Variants in MYOM1 observed in about 807,000 individuals in gnomAD.
The protein encoded by MYOM1 is myomesin 1.
MYOM1 carries 164 observed loss-of-function variants against 205.3 expected under a neutral mutation model. The ratio of observed to expected loss-of-function variants is 0.80; its 90% CI spans 0.70 to 0.91. The LOEUF is 0.91. Ranked by LOEUF, MYOM1 falls within the 40% of genes least tolerant of loss-of-function variation. The pLI, the probability that MYOM1 is intolerant of heterozygous loss-of-function variation, is 0.00. For synonymous variants in MYOM1, 772 were observed against 789.4 expected, an observed-to-expected ratio of 0.98 and a Z score of 0.37; for missense variants, 2,011 against 2,127.3, an observed-to-expected ratio of 0.95 and a Z score of 1.08.
chr18:3,117,758 C>T (rs2079627102), intron 20 of MYOM1, among the ~76,000 whole-genome samples: 1 of 152,006 alleles, frequency 6.6e-6, no homozygotes, highest in African/African-American at 2.4e-5. Context: ...GAAGGACATA[C>T]TCTGTTATGC....
Position 3,215,234 on chromosome 18 carries a change from T to C in MYOM1, c.-11A>G. The C allele has an allele frequency of 6.3e-7, 1 of 1,597,940 alleles. No homozygotes were observed. Among genetic ancestry groups the C allele is most frequent in the Non-Finnish European group, 8.5e-7 (1 of 1,170,648 alleles). ...AAAAGGCAAAGACATCCTGTGCCCC[T>C]TGAAGGAACCGGGCCACCTGAAGGA... On this transcript the variant is annotated 5_prime_UTR_variant, in exon 2 of 38. Coordinates refer to ENST00000356443, the MANE Select transcript of MYOM1 (RefSeq NM_003803.4).
intron 33 of MYOM1, among the ~76,000 whole-genome samples, chr18:3,083,066 G>C (rs1598653166): frequency 6.6e-6 from 1 of 152,358 alleles, no homozygotes; most frequent in Admixed American, 6.5e-5. Flanking sequence ...CGTGTGTATA[G>C]AAAGAAAGGT....
In MYOM1 at chr18:3,179,875, CTT is replaced by C. The variant is rs2080703705; in HGVS notation, c.930-3743_930-3742del. On this transcript the variant is annotated intron_variant, in intron 5 of 37. Coordinates refer to ENST00000356443, the MANE Select transcript of MYOM1 (RefSeq NM_003803.4). The surrounding 1 kb of genome is among the most constrained non-coding windows in gnomAD (Gnocchi z 4.4). ...TGCTGGAGGGTTTTCAGTGGTTCCT[CTT>C]TGCCTAAGAAAAGCGCTGTGATACC... Among the ~76,000 whole-genome samples, 1 of 152,176 alleles carries C rather than the reference CTT, an allele frequency of 6.6e-6. No homozygotes were observed. Among genetic ancestry groups the C allele is most frequent in the South Asian group, 2.1e-4 (1 of 4,836 alleles).
chr18:3,225,189 G>A, the MYOM1 span, among the ~76,000 whole-genome samples: 4,295 of 148,808 alleles, frequency 0.029, 178 homozygotes, highest in African/African-American at 0.1. Context: ...GAGTTTCACC[G>A]TGTTAGCCAG....
At chr18:3,200,291 G>C (rs2081049046) in intron 2 of MYOM1, among the ~76,000 whole-genome samples, 1 of 152,178 alleles carries the variant, frequency 6.6e-6, no homozygotes, top group Non-Finnish European at 1.5e-5. Context: ...TATCTGACAT[G>C]TCCCATTTTT....
intron 8 of MYOM1, 37 bp downstream of exon 8, chr18:3,173,901 T>C (rs753639961): frequency 3.2e-6 from 5 of 1,574,392 alleles, no homozygotes; most frequent in East Asian, 4.5e-5. Flanking sequence ...ATATTTTACA[T>C]AGAGGTGACA....
intron 25 of MYOM1, among the ~76,000 whole-genome samples, chr18:3,095,380 C>A (rs185348810): frequency 1.3e-3 from 204 of 152,230 alleles, no homozygotes; most frequent in South Asian, 6.2e-3. Flanking sequence ...ACCAGCCTGG[C>A]CAACATGGTG....
At chr18:3,238,321 A>C in the MYOM1 span, among the ~76,000 whole-genome samples, 1 of 152,108 alleles carries the variant, frequency 6.6e-6, no homozygotes. Flanking sequence ...CAGTAATGTG[A>C]GCGATGGGGA....
chr18:3,186,753 GAAGGAAGGAAGGA>G (rs1044171701), intron 5 of MYOM1, among the ~76,000 whole-genome samples: 5 of 145,338 alleles, frequency 3.4e-5, no homozygotes, highest in South Asian at 2.2e-4. Context: ...AAGAGAGAAA[GAAGGAAGGAAGGA>G]AAGGAAGGAA....
chr18:3,074,445 C>T (rs1410223283), intron 36 of MYOM1, among the ~76,000 whole-genome samples: 1 of 152,164 alleles, frequency 6.6e-6, no homozygotes, highest in Non-Finnish European at 1.5e-5. Context: ...GTGGACTCTA[C>T]CATTTTAGCC....
intron 33 of MYOM1, among the ~76,000 whole-genome samples, chr18:3,081,382 G>A (rs979310682): frequency 2.6e-5 from 4 of 152,030 alleles, no homozygotes; most frequent in African/African-American, 9.7e-5. Flanking sequence ...CCGTTTCAAG[G>A]GTTTTTTTCC....
In MYOM1 at chr18:3,149,012, T is replaced by C; in HGVS notation, c.1900+133A>G. The C allele has an allele frequency of 5.4e-6, 4 of 740,386 alleles. No homozygotes were observed. In the Admixed American group the frequency reaches 6.3e-5, roughly 12 times the overall value. The allele number at this position is 740,386 out of a possible 1,614,324, so 45.9% of individuals were successfully genotyped here. A position where few individuals can be genotyped will look rare whatever the true frequency, so the allele number is the denominator to read the frequency against. On this transcript the variant is annotated intron_variant, in intron 13 of 37. Transcript: ENST00000356443. ...AAATGGGATTCTCTGACATAAGTTATTTACAATCTCCAGATATTTTAGAAT... is the reference window on the plus strand; with the variant it reads ...AAATGGGATTCTCTGACATAAGTTACTTACAATCTCCAGATATTTTAGAAT...
intron 8 of MYOM1, among the ~76,000 whole-genome samples, chr18:3,170,375 C>T (rs778210855): frequency 7.9e-5 from 12 of 152,080 alleles, no homozygotes; most frequent in African/African-American, 2.9e-4. Flanking sequence ...ATCTAAATAT[C>T]GCATGTACCC....
At chr18:3,197,120 A>G (rs1388793277) in intron 2 of MYOM1, among the ~76,000 whole-genome samples, 2 of 149,348 alleles carry the variant, frequency 1.3e-5, no homozygotes, top group Non-Finnish European at 3.0e-5. Flanking sequence ...ACACTATACC[A>G]GTCATCTCCA....
intron 22 of MYOM1, among the ~76,000 whole-genome samples, chr18:3,105,115 GATTAAA>G (rs2079435735): frequency 6.6e-6 from 1 of 151,948 alleles, no homozygotes; most frequent in Non-Finnish European, 1.5e-5. Flanking sequence ...TCTCTCAGTA[GATTAAA>G]AAAAGACAGG....
Position 3,112,415 on chromosome 18 carries a change from G to C in MYOM1, c.3304-3C>G, listed in dbSNP as rs2079541369. The C allele has an allele frequency of 1.9e-6, 3 of 1,591,224 alleles. No homozygotes were observed. Among genetic ancestry groups the C allele is most frequent in the Non-Finnish European group, 2.6e-6 (3 of 1,165,400 alleles). The stretch of plus-strand genomic sequence containing the variant: ...ACGCCCTCCTTGAGGCCTCGAACCT[G>C]GTAGAAGCAGGTGTAGAAGCAATGG... On this transcript the variant is annotated splice_region_variant and splice_polypyrimidine_tract_variant and intron_variant, in intron 21 of 37. Coordinates refer to ENST00000356443, the MANE Select transcript of MYOM1 (RefSeq NM_003803.4).
At chr18:3,173,647 C>T (rs2080592668) in intron 8 of MYOM1, among the ~76,000 whole-genome samples, 1 of 147,562 alleles carries the variant, frequency 6.8e-6, no homozygotes, top group Admixed American at 6.9e-5. Context: ...CCCAGGTTTG[C>T]ATAATGATCT....
chr18:3,076,019 G>T (rs141827349), intron 34 of MYOM1, among the ~76,000 whole-genome samples: 58 of 152,286 alleles, frequency 3.8e-4, no homozygotes, highest in African/African-American at 1.4e-3. Context: ...CCCTCAAACG[G>T]AAAGGCAAAG....
At chr18:3,134,458 C>A (rs2079923210) in intron 16 of MYOM1, among the ~76,000 whole-genome samples, 192 bp downstream of exon 16, 1 of 151,752 alleles carries the variant, frequency 6.6e-6, no homozygotes, top group South Asian at 2.1e-4. Flanking sequence ...CCAGGTTGGT[C>A]TTGAAATCCT....
Sources: allele counts gnomAD v4.1 joint callset (sites outside exome capture counted in the v4.1 genomes callset), GRCh38; gene constraint gnomAD v4.1.1; non-coding constraint Gnocchi (gnomAD v3.1); transcripts MANE v1.5; gene names NCBI Gene and HGNC (gene_info 2026-07-23, HGNC 2026-07-21).